Variants in CHST9 observed in about 807,000 individuals in gnomAD.
CHST9 encodes the protein carbohydrate sulfotransferase 9.
A neutral mutation model predicts 44.4 loss-of-function variants in CHST9; 41 were observed. The observed-to-expected ratio is 0.92, with a 90% confidence interval of 0.72 to 1.20. CHST9 has a LOEUF of 1.20. Among genes scored for constraint, CHST9 ranks in the 50% most tolerant of loss-of-function variants. The pLI is 0.00. For synonymous variants in CHST9, 171 were observed against 178.4 expected, an observed-to-expected ratio of 0.96 and a Z score of 0.33; for missense variants, 504 against 516.5, an observed-to-expected ratio of 0.98 and a Z score of 0.23.
chr18:27,054,713 T>TG (rs1285307625), intron 2 of CHST9, among the ~76,000 whole-genome samples: 7 of 152,148 alleles, frequency 4.6e-5, no homozygotes, highest in Non-Finnish European at 7.4e-5. Flanking sequence ...GGCACATAAA[T>TG]GGCAATTTGA....
Position 27,081,391 on chromosome 18 carries a change from C to T in CHST9, c.122-32888G>A, listed in dbSNP as rs558298754. Among the ~76,000 whole-genome samples the T allele has an allele frequency of 1.1e-4, 16 of 152,224 alleles. No individual in the cohort carries two copies. The East Asian group carries it at 2.1e-3, about 20-fold the overall frequency. On this transcript the variant is annotated intron_variant, in intron 2 of 5. Coordinates refer to ENST00000618847, the MANE Select transcript of CHST9 (RefSeq NM_031422.6). Reference sequence around the variant, plus strand: ...AAAAGAAAAAAGAATCAACATCAGACGAAGGCTGCAGCAGTTTTTCTCAGA... The same window carrying T: ...AAAAGAAAAAAGAATCAACATCAGATGAAGGCTGCAGCAGTTTTTCTCAGA...
chr18:26,971,088 A>G (rs1598605547), intron 4 of CHST9, among the ~76,000 whole-genome samples: 1 of 152,234 alleles, frequency 6.6e-6, no homozygotes, highest in East Asian at 1.9e-4. Context: ...ATCACCCACT[A>G]CTACACAGTG....
chr18:27,112,263 A>G (rs2058277786), intron 2 of CHST9, among the ~76,000 whole-genome samples: 1 of 151,082 alleles, frequency 6.6e-6, no homozygotes, highest in Admixed American at 6.6e-5. Flanking sequence ...CAGGATGTGT[A>G]TGTGTGTGTG....
chr18:27,083,282 T>C (rs1266245784), intron 2 of CHST9, among the ~76,000 whole-genome samples: 1 of 152,124 alleles, frequency 6.6e-6, no homozygotes, highest in Admixed American at 6.6e-5. Context: ...GGGCTTATTA[T>C]TAATTACTAA....
intron 2 of CHST9, among the ~76,000 whole-genome samples, chr18:27,087,986 G>C (rs1462821815): frequency 1.3e-5 from 2 of 152,140 alleles, no homozygotes; most frequent in African/African-American, 4.8e-5. Context: ...TTGATGACTT[G>C]TCAAAAAGCC....
At chr18:27,105,616 C>T (rs1412316853) in intron 2 of CHST9, among the ~76,000 whole-genome samples, 2 of 152,138 alleles carry the variant, frequency 1.3e-5, no homozygotes, top group South Asian at 4.1e-4. Flanking sequence ...CAATGAATTA[C>T]ACCTCTTTCA....
intron 2 of CHST9, among the ~76,000 whole-genome samples, chr18:27,106,100 T>A (rs2143766062): frequency 6.6e-6 from 1 of 152,258 alleles, no homozygotes; most frequent in African/African-American, 2.4e-5. Context: ...TCTTAAAGAT[T>A]TAGCAATTTA....
intron 4 of CHST9, among the ~76,000 whole-genome samples, chr18:26,945,301 G>T (rs2056146275): frequency 1.3e-5 from 2 of 152,100 alleles, no homozygotes; most frequent in African/African-American, 2.4e-5. Flanking sequence ...TCCCCTAATG[G>T]TAACATCTTG....
intron 4 of CHST9, among the ~76,000 whole-genome samples, chr18:27,008,082 T>C (rs924525994): frequency 2.6e-5 from 4 of 152,116 alleles, no homozygotes; most frequent in Admixed American, 6.5e-5. Flanking sequence ...ACCCACAGCA[T>C]AGGAGGGACG....
At position 26,948,998 on chromosome 18, in the gene CHST9, G is replaced by A. The variant is rs538779663; in HGVS notation, c.203-4632C>T. On this transcript the variant is annotated intron_variant, in intron 4 of 5. Coordinates refer to ENST00000618847, the MANE Select transcript of CHST9 (RefSeq NM_031422.6). Reference sequence around the variant, plus strand: ...CAGCCTTTGGAGATTGTGACTTGGGGTGATATTGGAGGCTTTGCAGGCAGA... The same window carrying A: ...CAGCCTTTGGAGATTGTGACTTGGGATGATATTGGAGGCTTTGCAGGCAGA... Among the ~76,000 whole-genome samples, 3 of 152,254 alleles carry A rather than the reference G, an allele frequency of 2.0e-5. No homozygotes were observed. In the South Asian group the frequency reaches 6.2e-4, roughly 32 times the overall value.
intron 2 of CHST9, among the ~76,000 whole-genome samples, chr18:27,095,946 T>G (rs1181438298): frequency 1.3e-5 from 2 of 152,058 alleles, no homozygotes; most frequent in East Asian, 3.9e-4. Context: ...CTAATAGACA[T>G]ATACAGAATA....
intron 4 of CHST9, among the ~76,000 whole-genome samples, chr18:27,009,906 C>T (rs1307795413): frequency 1.3e-5 from 2 of 152,164 alleles, no homozygotes; most frequent in African/African-American, 4.8e-5. Context: ...ATCAGAAATA[C>T]ACACTTCATG....
In CHST9 at chr18:27,087,589, T is replaced by C. The variant is rs558880193; in HGVS notation, c.122-39086A>G. ...ATCCTGTTTTGCAAATTTGTAACAA[T>C]TGAAATACACAGAACTATAACTCAT... On this transcript the variant is annotated intron_variant, in intron 2 of 5. Coordinates refer to ENST00000618847, the MANE Select transcript of CHST9 (RefSeq NM_031422.6). 3.3e-5 allele frequency among the ~76,000 whole-genome samples: 5 copies of C among 152,338 alleles called. No individual in the cohort carries two copies. The South Asian group carries it at 6.2e-4, about 19-fold the overall frequency.
chr18:26,974,700 G>T (rs1451139992), intron 4 of CHST9, among the ~76,000 whole-genome samples: 1 of 150,248 alleles, frequency 6.7e-6, no homozygotes, highest in Non-Finnish European at 1.5e-5. Context: ...TTGAGACAGG[G>T]TCTCACTCTG....
At chr18:27,114,267 T>C (rs1166208648) in intron 2 of CHST9, among the ~76,000 whole-genome samples, 1 of 152,234 alleles carries the variant, frequency 6.6e-6, no homozygotes, top group African/African-American at 2.4e-5. Flanking sequence ...TCTAAGTATA[T>C]AGTCTTCTAT....
At chr18:27,004,272 A>C (rs2056986913) in intron 4 of CHST9, among the ~76,000 whole-genome samples, 1 of 151,812 alleles carries the variant, frequency 6.6e-6, no homozygotes, top group Non-Finnish European at 1.5e-5. Context: ...GCCAGAGAGA[A>C]AGAGGCCACA....
chr18:27,135,056 A>C (rs926671211), intron 2 of CHST9, among the ~76,000 whole-genome samples: 2 of 152,142 alleles, frequency 1.3e-5, no homozygotes, highest in African/African-American at 4.8e-5. Context: ...TTTTTACCAC[A>C]AAAAAATTAG....
intron 2 of CHST9, among the ~76,000 whole-genome samples, chr18:27,126,861 A>C (rs548929685): frequency 1.3e-5 from 2 of 152,246 alleles, no homozygotes; most frequent in East Asian, 3.9e-4. Context: ...GAAAAGGATA[A>C]TTGTGACATA....
At position 27,118,664 on chromosome 18, in the gene CHST9, G is replaced by A. The variant is rs2058349530; in HGVS notation, c.121+24025C>T. 2.0e-5 allele frequency among the ~76,000 whole-genome samples: 3 copies of A among 152,184 alleles called. No individual in the cohort carries two copies. In the South Asian group the frequency reaches 6.2e-4, roughly 32 times the overall value. On this transcript the variant is annotated intron_variant, in intron 2 of 5. Transcript: ENST00000618847. The stretch of plus-strand genomic sequence containing the variant: ...AAGGTCTGCATTTGGCTCTGGAGAA[G>A]GCATCCCATGGTGCCCCTATGGCCC...
Sources: gnomAD v4.1 joint callset for allele counts (sites outside exome capture counted in the v4.1 genomes callset) on GRCh38, gnomAD v4.1.1 for gene constraint, MANE v1.5 for transcripts, NCBI Gene and HGNC (gene_info 2026-07-23, HGNC 2026-07-21) for gene names.